PRKN: variants seen among roughly 807,000 people sequenced by gnomAD.
PRKN encodes the protein parkin RBR E3 ubiquitin protein ligase.
In PRKN, 56 loss-of-function variants were observed where a neutral mutation model predicts 59.5. That is an observed-to-expected ratio of 0.94 (90% CI 0.76 to 1.18). PRKN has a LOEUF of 1.18. Among genes scored for constraint, PRKN ranks in the 50% most tolerant of loss-of-function variants. The probability of loss-of-function intolerance (pLI) is 0.00; values close to 1 mark genes in which losing one functional copy is unlikely to be tolerated. For synonymous variants in PRKN, 250 were observed against 222.1 expected (o/e 1.13, Z -1.12); for missense variants, 657 against 596.4 (o/e 1.10, Z -1.06).
chr6:162,660,104 A>G (rs1583999522), intron 1 of PRKN, among the ~76,000 whole-genome samples: 2 of 152,342 alleles, frequency 1.3e-5, no homozygotes, highest in East Asian at 1.9e-4. Context: ...TCTCTCACAC[A>G]CAATACAAAA....
chr6:161,570,184 CAATT>C (rs1163939991), intron 7 of PRKN, among the ~76,000 whole-genome samples: 5 of 113,956 alleles, frequency 4.4e-5, no homozygotes, highest in African/African-American at 1.0e-4. Flanking sequence ...CATACACACA[CAATT>C]AAAATACGTA....
At chr6:162,324,533 A>C (rs569689270) in intron 2 of PRKN, among the ~76,000 whole-genome samples, 1 of 152,286 alleles carries the variant, frequency 6.6e-6, no homozygotes, top group East Asian at 1.9e-4. Flanking sequence ...AGACAAGGAG[A>C]TACTGGAAAT....
chr6:162,359,656 C>A (rs988723883), intron 2 of PRKN, among the ~76,000 whole-genome samples: 1 of 151,200 alleles, frequency 6.6e-6, no homozygotes, highest in East Asian at 1.9e-4. Context: ...GCAGCTAAAC[C>A]AGTATTTCCC....
chr6:162,162,954 G>C (rs545933893), intron 4 of PRKN, among the ~76,000 whole-genome samples: 1 of 149,076 alleles, frequency 6.7e-6, no homozygotes, highest in African/African-American at 2.5e-5. Context: ...GTTGCAGTGA[G>C]CCGAGATCGT....
intron 4 of PRKN, among the ~76,000 whole-genome samples, chr6:162,090,624 C>A (rs940731667): frequency 2.6e-5 from 4 of 152,122 alleles, no homozygotes; most frequent in African/African-American, 9.7e-5. Flanking sequence ...AGCTACACAA[C>A]GACATCAAAT....
intron 3 of PRKN, among the ~76,000 whole-genome samples, chr6:162,230,033 A>G (rs1262962617): frequency 1.3e-5 from 2 of 152,230 alleles, no homozygotes; most frequent in African/African-American, 4.8e-5. Flanking sequence ...TGAAGGAAAC[A>G]TAATTGAATG....
rs1458104104 is a variant in PRKN at position 161,379,604 on chromosome 6, A to G, written c.1167+7190T>C. 6.6e-6 allele frequency among the ~76,000 whole-genome samples: 1 copy of G among 152,160 alleles called. No individual in the cohort carries two copies. Among genetic ancestry groups the G allele is most frequent in the Admixed American group, 6.5e-5 (1 of 15,280 alleles). On this transcript the variant is annotated intron_variant, in intron 10 of 11. Coordinates refer to ENST00000366898, the MANE Select transcript of PRKN (RefSeq NM_004562.3). The surrounding 1 kb of genome is among the most constrained non-coding windows in gnomAD (Gnocchi z 4.9). Reference sequence around the variant, plus strand: ...ACCCGGGAAGTGCCCCCAGCTGAAGAAAGCTGCTTCACCCAAAGCCTTTCT... The same window carrying G: ...ACCCGGGAAGTGCCCCCAGCTGAAGGAAGCTGCTTCACCCAAAGCCTTTCT...
intron 1 of PRKN, among the ~76,000 whole-genome samples, chr6:162,533,776 G>A (rs949436034): frequency 6.6e-6 from 1 of 152,038 alleles, no homozygotes; most frequent in African/African-American, 2.4e-5. Flanking sequence ...TTCGAGATCA[G>A]CCTGGCCAAC....
intron 6 of PRKN, among the ~76,000 whole-genome samples, chr6:161,822,197 T>C (rs2128216513): frequency 6.6e-6 from 1 of 152,322 alleles, no homozygotes; most frequent in Admixed American, 6.5e-5. Context: ...GAAGACTACA[T>C]TGCCAAGTCT....
chr6:162,361,471 G>A (rs1035274903), intron 2 of PRKN, among the ~76,000 whole-genome samples: 11 of 152,214 alleles, frequency 7.2e-5, no homozygotes, highest in Middle Eastern at 3.4e-3. Flanking sequence ...CTGCAGGCCA[G>A]GAAGAGAGGC....
chr6:162,657,728 T>C (rs1268540734), intron 1 of PRKN, among the ~76,000 whole-genome samples: 1 of 152,152 alleles, frequency 6.6e-6, no homozygotes, highest in Non-Finnish European at 1.5e-5. Context: ...AGACCCTCCA[T>C]ATTGTAGTCA....
At chr6:161,664,508 A>G (rs1168569385) in intron 7 of PRKN, among the ~76,000 whole-genome samples, 1 of 151,072 alleles carries the variant, frequency 6.6e-6, no homozygotes. Context: ...GTATCCTTTA[A>G]AATACAGCCT....
intron 6 of PRKN, among the ~76,000 whole-genome samples, chr6:161,903,958 G>C (rs957945730): frequency 2.6e-5 from 4 of 151,898 alleles, no homozygotes; most frequent in Non-Finnish European, 4.4e-5. Flanking sequence ...GCTGGGGTGG[G>C]CAGGAGAAAC....
chr6:162,051,497 G>A (rs535940548), intron 5 of PRKN, among the ~76,000 whole-genome samples: 6 of 152,318 alleles, frequency 3.9e-5, no homozygotes, highest in South Asian at 4.1e-4. Context: ...ACGCGCCTCC[G>A]CATCCTCGTT....
At chr6:161,469,411 G>A (rs915216183) in intron 9 of PRKN, among the ~76,000 whole-genome samples, 2 of 152,134 alleles carry the variant, frequency 1.3e-5, no homozygotes, top group African/African-American at 4.8e-5. Context: ...AAATTACTCA[G>A]TTTCAGGTAT....
At chr6:162,475,469 T>C (rs1583636814) in intron 1 of PRKN, among the ~76,000 whole-genome samples, 1 of 110,392 alleles carries the variant, frequency 9.1e-6, no homozygotes, top group African/African-American at 3.2e-5. Context: ...AGCAGACATG[T>C]TGTTACTGGA....
intron 9 of PRKN, among the ~76,000 whole-genome samples, chr6:161,512,114 T>C (rs990892697): frequency 1.3e-5 from 2 of 152,180 alleles, no homozygotes; most frequent in African/African-American, 4.8e-5. Flanking sequence ...ACCTAATCTA[T>C]TCAATGTAAG....
At chr6:161,351,571 C>T (rs1164942165) in intron 11 of PRKN, among the ~76,000 whole-genome samples, 3 of 152,164 alleles carry the variant, frequency 2.0e-5, no homozygotes, top group East Asian at 1.9e-4. Context: ...GTCATCCTCC[C>T]GCCTCGGCCT....
intron 5 of PRKN, among the ~76,000 whole-genome samples, chr6:162,011,708 G>T (rs1474762852): frequency 6.7e-6 from 1 of 149,510 alleles, no homozygotes; most frequent in African/African-American, 2.5e-5. Context: ...TATTTCAGAG[G>T]GTCACTCTGG....
Sources: allele counts gnomAD v4.1 joint callset (sites outside exome capture counted in the v4.1 genomes callset), GRCh38; gene constraint gnomAD v4.1.1; non-coding constraint Gnocchi (gnomAD v3.1); transcripts MANE v1.5; gene names NCBI Gene and HGNC (gene_info 2026-07-23, HGNC 2026-07-21).